Variants in MSN observed in about 807,000 individuals in gnomAD.
MSN encodes the protein epididymis luminal protein 70.
MSN carries 2 observed loss-of-function variants against 48.0 expected under a neutral mutation model. The ratio of observed to expected loss-of-function variants is 0.04; its 90% CI spans 0.02 to 0.13. The LOEUF (loss-of-function observed/expected upper bound fraction) is 0.13. Among genes scored for constraint, MSN ranks in the 10% least tolerant of loss-of-function variants. MSN has a pLI of 1.00. For synonymous variants in MSN, 146 were observed against 166.9 expected, an observed-to-expected ratio of 0.87 and a Z score of 0.97; for missense variants, 267 against 470.1, an observed-to-expected ratio of 0.57 and a Z score of 3.99.
At chrX:65,652,030 C>A (rs1310534197) in intron 1 of MSN, among the ~76,000 whole-genome samples, 2 of 108,441 alleles carry the variant, frequency 1.8e-5, no homozygotes, top group Non-Finnish European at 3.8e-5. Context: ...GTGGGTGGAT[C>A]ACTTGAGGCC....
intron 1 of MSN, among the ~76,000 whole-genome samples, chrX:65,695,518 A>AC (rs1479762833): frequency 7.5e-5 from 8 of 106,783 alleles, no homozygotes; most frequent in African/African-American, 2.7e-4. Flanking sequence ...AAAAAAAAAA[A>AC]AAAAAAAAAA....
At chrX:65,703,454 C>T (rs893758518) in intron 1 of MSN, among the ~76,000 whole-genome samples, 2 of 111,232 alleles carry the variant, frequency 1.8e-5, no homozygotes, top group Non-Finnish European at 3.8e-5. Flanking sequence ...ACAAGGGCTC[C>T]TGGGTTTTCT....
At chrX:65,615,531 C>T (rs1415699189) in intron 1 of MSN, among the ~76,000 whole-genome samples, 190 of 108,243 alleles carry the variant, frequency 1.8e-3, no homozygotes, top group African/African-American at 5.5e-3. Flanking sequence ...TCATGTCCTT[C>T]GCCCACTTTT....
intron 1 of MSN, among the ~76,000 whole-genome samples, chrX:65,639,550 G>A (rs1433881990): frequency 2.7e-5 from 3 of 111,865 alleles, no homozygotes; most frequent in Non-Finnish European, 5.6e-5. Flanking sequence ...AAGTGGGAAG[G>A]GTGTGGACTC....
chrX:65,603,516 A>G (rs965531672), intron 1 of MSN, among the ~76,000 whole-genome samples: 1 of 111,603 alleles, frequency 9.0e-6, no homozygotes, highest in Non-Finnish European at 1.9e-5. Context: ...TATGAATCTA[A>G]GTAGTCTGAC....
At position 65,698,097 on chromosome X, in the gene MSN, A is replaced by C. The variant is rs755068114; in HGVS notation, c.13-18721A>C. Among the ~76,000 whole-genome samples the C allele has an allele frequency of 3.6e-5, 4 of 110,056 alleles. No homozygotes were observed. In the South Asian group the frequency reaches 1.5e-3, roughly 42 times the overall value. On this transcript the variant is annotated intron_variant, in intron 1 of 12. Transcript: ENST00000360270. ...ATGTGGGGAGGGCTGGGCCCCAGTCACAGGGTATGGGGGTGGGCACCGGAA... is the reference window on the plus strand; with the variant it reads ...ATGTGGGGAGGGCTGGGCCCCAGTCCCAGGGTATGGGGGTGGGCACCGGAA...
At chrX:65,702,321 G>C (rs2071314419) in intron 1 of MSN, among the ~76,000 whole-genome samples, 1 of 107,353 alleles carries the variant, frequency 9.3e-6, no homozygotes, top group South Asian at 4.3e-4. Flanking sequence ...CCTTTCAGTT[G>C]CTCTTTACTT....
At chrX:65,614,841 C>T (rs2070353550) in intron 1 of MSN, among the ~76,000 whole-genome samples, 2 of 81,189 alleles carry the variant, frequency 2.5e-5, no homozygotes, top group South Asian at 1.6e-3. Context: ...TCTCCCGATG[C>T]TATCCCTCCC....
intron 1 of MSN, among the ~76,000 whole-genome samples, chrX:65,627,842 T>C (rs1016947870): frequency 1.8e-5 from 2 of 112,225 alleles, no homozygotes; most frequent in Non-Finnish European, 3.8e-5. Flanking sequence ...ACTTCTTAGA[T>C]ACAATGGTAG....
At chrX:65,738,131 G>A (rs2071696603) in intron 10 of MSN, among the ~76,000 whole-genome samples, 1 of 112,099 alleles carries the variant, frequency 8.9e-6, no homozygotes, top group African/African-American at 3.2e-5. Context: ...ACTTGTCCTG[G>A]GAAGACTCTT....
intron 1 of MSN, among the ~76,000 whole-genome samples, chrX:65,621,535 G>A (rs1006393408): frequency 2.7e-5 from 3 of 111,521 alleles, no homozygotes; most frequent in Non-Finnish European, 5.6e-5. Flanking sequence ...TAGAGATTGA[G>A]AAAAATGTCC....
intron 1 of MSN, among the ~76,000 whole-genome samples, chrX:65,649,935 G>T (rs1293571017): frequency 9.3e-6 from 1 of 107,876 alleles, no homozygotes; most frequent in African/African-American, 3.4e-5. Context: ...CTCCAGAAAA[G>T]GTTCTGGAAT....
chrX:65,619,528 G>A lies in MSN; in HGVS notation c.-22+30916G>A, dbSNP rs1233413399. Reference sequence around the variant, plus strand: ...CTCCTGAGGCTTCTGCATTCTTCTCGTAGTTCTCGAGCCTTGGTTTTCAGC... The same window carrying A: ...CTCCTGAGGCTTCTGCATTCTTCTCATAGTTCTCGAGCCTTGGTTTTCAGC... On this transcript the variant is annotated intron_variant, in intron 1 of 3. Coordinates refer to the MSN transcript ENST00000609672. 1.0e-4 allele frequency among the ~76,000 whole-genome samples: 10 copies of A among 98,380 alleles called. 1 individual carries two copies. The highest frequency in any genetic ancestry group is 5.3e-4 in the African/African-American group (10 of 19,023). The allele number at this position is 98,380 out of a possible 115,157, so 85.4% of individuals were successfully genotyped here.
intron 12 of MSN, among the ~76,000 whole-genome samples, 158 bp from the exon 13 acceptor site, chrX:65,739,571 C>A (rs1021873217): frequency 1.8e-5 from 2 of 111,067 alleles, no homozygotes; most frequent in Non-Finnish European, 3.8e-5. Flanking sequence ...TGCCCCACTG[C>A]AGTTCTAACA....
intron 1 of MSN, among the ~76,000 whole-genome samples, chrX:65,609,700 G>A (rs1449074139): frequency 1.1e-4 from 12 of 111,390 alleles, no homozygotes; most frequent in Admixed American, 8.6e-4. Context: ...TGGCTAACAC[G>A]GTGAAACCCC....
intron 1 of MSN, among the ~76,000 whole-genome samples, chrX:65,656,265 C>CTG (rs3087113): frequency 0.053 from 4,943 of 92,723 alleles, 105 homozygotes; most frequent in Middle Eastern, 0.11. Flanking sequence ...AGATCTATGC[C>CTG]TGTGTGTGTG....
At chrX:65,719,070 C>A (rs1199384849) in intron 2 of MSN, among the ~76,000 whole-genome samples, 1 of 112,046 alleles carries the variant, frequency 8.9e-6, no homozygotes, top group Admixed American at 9.5e-5. Flanking sequence ...ATTCACATAG[C>A]TCACAAGTGA....
intron 1 of MSN, among the ~76,000 whole-genome samples, chrX:65,680,941 G>C (rs748166494): frequency 4.0e-4 from 44 of 110,207 alleles, no homozygotes; most frequent in Non-Finnish European, 7.6e-4. Flanking sequence ...AGTAGAGAAA[G>C]GGTTTTACCA....
intron 1 of MSN, among the ~76,000 whole-genome samples, chrX:65,689,695 G>A (rs749515432): frequency 1.8e-5 from 2 of 111,527 alleles, no homozygotes; most frequent in Non-Finnish European, 3.8e-5. Context: ...CCTCTGTGAA[G>A]GGTGGGAGAT....
Sources: allele counts gnomAD v4.1 joint callset (sites outside exome capture counted in the v4.1 genomes callset), GRCh38; gene constraint gnomAD v4.1.1; transcripts MANE v1.5; gene names NCBI Gene and HGNC (gene_info 2026-07-23, HGNC 2026-07-21).